EIF4E3: variants seen among roughly 807,000 people sequenced by gnomAD.
EIF4E3 encodes the protein eukaryotic translation initiation factor 4E family member 3.
In EIF4E3, 26 loss-of-function variants were observed where a neutral mutation model predicts 31.7. The ratio of observed to expected loss-of-function variants is 0.82; its 90% CI spans 0.60 to 1.14. The LOEUF (loss-of-function observed/expected upper bound fraction) is 1.14. EIF4E3 is among the 50% of genes most tolerant of loss of function. EIF4E3 has a pLI of 0.00. For missense variants in EIF4E3, 304 were observed against 270.9 expected, an observed-to-expected ratio of 1.12 and a Z score of -0.86; for synonymous variants, 128 against 107.7, an observed-to-expected ratio of 1.19 and a Z score of -1.17.
Position 71,686,701 on chromosome 3 carries a change from C to T in EIF4E3, c.629-1973G>A, listed in dbSNP as rs560461031. ...CATAGAACTACAGTGACCTGGTTTC[C>T]AAACAATAAATCCAGATATACAGAC... On this transcript the variant is annotated intron_variant, in intron 6 of 6. Transcript: ENST00000425534. 2.0e-5 allele frequency among the ~76,000 whole-genome samples: 3 copies of T among 152,158 alleles called. No homozygotes were observed. The East Asian group carries it at 5.8e-4, about 29-fold the overall frequency.
At chr3:71,747,048 T>G (rs1415068189) in intron 1 of EIF4E3, among the ~76,000 whole-genome samples, 1 of 152,236 alleles carries the variant, frequency 6.6e-6, no homozygotes, top group East Asian at 1.9e-4. Flanking sequence ...ACCTTTGTGT[T>G]GCTTTATCCT....
intron 2 of EIF4E3, among the ~76,000 whole-genome samples, chr3:71,701,865 T>C (rs973807552): frequency 6.6e-6 from 1 of 152,354 alleles, no homozygotes; most frequent in South Asian, 2.1e-4. Context: ...AAAATGGTGC[T>C]AGTGTAGTGA....
intron 1 of EIF4E3, among the ~76,000 whole-genome samples, chr3:71,746,872 A>G (rs1230193051): frequency 1.3e-5 from 2 of 152,190 alleles, no homozygotes. Context: ...ATGTAAGTGG[A>G]TTTGTACAAT....
intron 1 of EIF4E3, among the ~76,000 whole-genome samples, chr3:71,739,688 C>A (rs112257585): frequency 6.6e-6 from 1 of 151,416 alleles, no homozygotes; most frequent in African/African-American, 2.4e-5. Context: ...CAGAGTGAGA[C>A]TCTGTCTGAA....
rs1292201871 is a variant in EIF4E3, at chr3:71,678,937, T to C, written c.*5745A>G. ...TATAATCATTGAAATAAATTCTCCA[T>C]GAGAATATATTCAAAGTCATGGTGA... On this transcript the variant is annotated 3_prime_UTR_variant, in exon 7 of 7. Coordinates refer to ENST00000425534, the MANE Select transcript of EIF4E3 (RefSeq NM_001134651.2). 1 of 152,206 alleles carries C rather than the reference T, an allele frequency of 6.6e-6. No homozygotes were observed. Among genetic ancestry groups the C allele is most frequent in the Non-Finnish European group, 1.5e-5 (1 of 68,030 alleles). 9.4% of individuals were successfully genotyped at this position (152,206 alleles called of 1,614,324 possible).
chr3:71,695,409 G>A (rs2049122718), intron 4 of EIF4E3, among the ~76,000 whole-genome samples: 1 of 152,196 alleles, frequency 6.6e-6, no homozygotes, highest in South Asian at 2.1e-4. Flanking sequence ...GCTTTTCAAG[G>A]AATGTTGACA....
chr3:71,737,099 A>C (rs987106229), intron 1 of EIF4E3, among the ~76,000 whole-genome samples: 4 of 152,234 alleles, frequency 2.6e-5, no homozygotes, highest in African/African-American at 9.6e-5. Flanking sequence ...ATCATCTCCC[A>C]CTTTACACAC....
At position 71,682,912 on chromosome 3, in the gene EIF4E3, CTTATA is replaced by C. The variant is rs1341644546; in HGVS notation, c.*1765_*1769del. ...TATCCTTTTTTCAATCAGAAAAATA[CTTATA>C]TTATAAAAAAGTTTTAATTCATGTC... On this transcript the variant is annotated 3_prime_UTR_variant, in exon 7 of 7. Transcript: ENST00000425534. 1 of 152,268 alleles carries C rather than the reference CTTATA, an allele frequency of 6.6e-6. No individual in the cohort carries two copies. The highest frequency in any genetic ancestry group is 2.4e-5 in the African/African-American group (1 of 41,364). The allele number at this position is 152,268 out of a possible 1,614,324, so 9.4% of individuals were successfully genotyped here.
intron 1 of EIF4E3, among the ~76,000 whole-genome samples, chr3:71,735,095 G>A (rs1028660798): frequency 1.3e-5 from 2 of 152,172 alleles, no homozygotes; most frequent in African/African-American, 4.8e-5. Context: ...AGTTGTCATG[G>A]AAACAGGATG....
the EIF4E3 span, among the ~76,000 whole-genome samples, chr3:71,669,661 G>A: frequency 6.6e-6 from 1 of 151,724 alleles, no homozygotes; most frequent in Admixed American, 6.6e-5. Context: ...GTAACACAAG[G>A]GAACACTCTC....
chr3:71,693,480 C>T (rs2049091049), intron 5 of EIF4E3, among the ~76,000 whole-genome samples: 1 of 152,172 alleles, frequency 6.6e-6, no homozygotes, highest in African/African-American at 2.4e-5. Flanking sequence ...ACACTGAAGA[C>T]ACTTTCCCCT....
chr3:71,672,866 T>C (rs919709538), downstream of EIF4E3, among the ~76,000 whole-genome samples: 2 of 152,226 alleles, frequency 1.3e-5, no homozygotes, highest in African/African-American at 4.8e-5. Flanking sequence ...TTTACTTTAA[T>C]TTAAAAAATA....
intron 1 of EIF4E3, among the ~76,000 whole-genome samples, chr3:71,740,541 C>T (rs907063274): frequency 2.6e-5 from 4 of 152,180 alleles, no homozygotes; most frequent in East Asian, 1.9e-4. Context: ...TGCGACCAGC[C>T]TGGGCAACAT....
chr3:71,701,261 T>G (rs1261261078), intron 2 of EIF4E3, among the ~76,000 whole-genome samples: 1 of 152,250 alleles, frequency 6.6e-6, no homozygotes, highest in African/African-American at 2.4e-5. Context: ...GATCTGGAGC[T>G]GTTCTCTGAG....
chr3:71,716,444 AG>A (rs1467104027), intron 1 of EIF4E3, among the ~76,000 whole-genome samples: 1 of 152,156 alleles, frequency 6.6e-6, no homozygotes, highest in Non-Finnish European at 1.5e-5. Flanking sequence ...CGTGTTAGCC[AG>A]GATGGTCTCG....
At chr3:71,718,823 G>A (rs2049503635) in intron 1 of EIF4E3, among the ~76,000 whole-genome samples, 3 of 152,318 alleles carry the variant, frequency 2.0e-5, no homozygotes, top group Admixed American at 2.0e-4. Flanking sequence ...CCTGCCAGAT[G>A]TTCTCAGAGG....
At position 71,714,233 on chromosome 3, in the gene EIF4E3, G is replaced by GAAA. The variant is rs1277974078; in HGVS notation, c.177-3750_177-3749insTTT. ...ATCTCAAAAAAAAGAAAGAAAGAAG[G>GAAA]GAAGAAGGAAAGGAAGGAAGGAAGG... On this transcript the variant is annotated intron_variant, in intron 1 of 6. Coordinates refer to ENST00000425534, the MANE Select transcript of EIF4E3 (RefSeq NM_001134651.2). 1.4e-3 allele frequency among the ~76,000 whole-genome samples: 178 copies of GAAA among 131,276 alleles called. 3 individuals carry two copies. The highest frequency in any genetic ancestry group is 1.8e-3 in the Non-Finnish European group (113 of 62,872). The allele number at this position is 131,276 out of a possible 152,430, so 86.1% of individuals were successfully genotyped here. A position where few individuals can be genotyped will look rare whatever the true frequency, so the allele number is the denominator to read the frequency against.
chr3:71,725,531 G>T (rs2049626053), upstream of EIF4E3, among the ~76,000 whole-genome samples: 1 of 149,418 alleles, frequency 6.7e-6, no homozygotes, highest in African/African-American at 2.4e-5. This position sits in a 1 kb window ranked among gnomAD's most constrained non-coding sequence, Gnocchi z 6.1. Flanking sequence ...GGGCCTGGGA[G>T]CCGCGCGGAG....
Position 71,683,847 on chromosome 3 carries a change from T to G in EIF4E3, c.*835A>C, listed in dbSNP as rs2048954623. 6.6e-6 allele frequency: 1 copy of G among 152,222 alleles called. No individual in the cohort carries two copies. Among genetic ancestry groups the G allele is most frequent in the Non-Finnish European group, 1.5e-5 (1 of 68,042 alleles). The allele number at this position is 152,222 out of a possible 1,614,324, so 9.4% of individuals were successfully genotyped here. ...TAATTCAAACAATTAAAATATCACC[T>G]TCTCTTTAAATCAGAAACATCAGGT... On this transcript the variant is annotated 3_prime_UTR_variant, in exon 7 of 7. Coordinates refer to ENST00000425534, the MANE Select transcript of EIF4E3 (RefSeq NM_001134651.2).
Sources: allele counts gnomAD v4.1 joint callset (sites outside exome capture counted in the v4.1 genomes callset), GRCh38; gene constraint gnomAD v4.1.1; non-coding constraint Gnocchi (gnomAD v3.1); transcripts MANE v1.5; gene names NCBI Gene and HGNC (gene_info 2026-07-23, HGNC 2026-07-21).